Variants in PAPOLB observed in about 807,000 individuals in gnomAD.
PAPOLB encodes PAP-beta.
PAPOLB carries 19 observed loss-of-function variants against 23.2 expected under a neutral mutation model. That is an observed-to-expected ratio of 0.82 (90% CI 0.57 to 1.20). The LOEUF is 1.20. Ranked by LOEUF, PAPOLB falls within the 50% of genes most tolerant of loss-of-function variation. The pLI, the probability that PAPOLB is intolerant of heterozygous loss-of-function variation, is 0.00. For missense variants in PAPOLB, 822 were observed against 776.8 expected (o/e 1.06, Z -0.69); for synonymous variants, 360 against 290.7 (o/e 1.24, Z -2.43).
chr7:4,857,785 T>A lies in PAPOLB; in HGVS notation c.*2112A>T, dbSNP rs780981087. 6.6e-6 allele frequency: 1 copy of A among 152,626 alleles called. No individual in the cohort carries two copies. The highest frequency in any genetic ancestry group is 2.4e-5 in the African/African-American group (1 of 41,456). 9.5% of individuals were successfully genotyped at this position (152,626 alleles called of 1,614,324 possible). On this transcript the variant is annotated 3_prime_UTR_variant, in exon 1 of 1. Coordinates refer to ENST00000404991, the MANE Select transcript of PAPOLB (RefSeq NM_020144.5). ...GCATTTTTAATGGAGAAATAAGTCA[T>A]CTGTTTTCAAAACAGTGCTTGAATA...
chr7:4,861,235 T>C lies in PAPOLB; in HGVS notation c.576A>G (p.Lys192=), dbSNP rs1372174105. 6.2e-7 allele frequency: 1 copy of C among 1,614,164 alleles called. No individual in the cohort carries two copies. The highest frequency in any genetic ancestry group is 1.1e-5 in the South Asian group (1 of 91,074). The change falls in exon 1 of 1, where the codon AAA becomes AAG. Residue 192 remains lysine (K), a synonymous_variant. Coordinates refer to ENST00000404991, the MANE Select transcript of PAPOLB (RefSeq NM_020144.5). ...DLDLRDDSLL[K]NLDIRCIRSL... is the part of the protein sequence containing the mutation. ...TTCTTATGCATCTAATGTCTAAATT[T>C]TTAAGTAGACTGTCATCTCTTAAGT... is the stretch of plus-strand genomic sequence containing the variant.
chr7:4,860,998 C>A lies in PAPOLB; in HGVS notation c.813G>T (p.Arg271=). 1 of 1,614,202 alleles carries A rather than the reference C, an allele frequency of 6.2e-7. No individual in the cohort carries two copies. The highest frequency in any genetic ancestry group is 8.5e-7 in the Non-Finnish European group (1 of 1,180,034). Residue 271 remains arginine, a synonymous_variant, in exon 1 of 1, where the codon CGG becomes CGT. Coordinates refer to ENST00000404991, the MANE Select transcript of PAPOLB (RefSeq NM_020144.5). ...YPNAVASTLV[R]KFFLVFSEWE... ...ATTCTGAAAATACCAAGAAGAATTT[C>A]CGTACAAGAGTTGACGCTACTGCAT...
chr7:4,861,900 C>A lies in PAPOLB; in HGVS notation c.-90G>T. On this transcript the variant is annotated 5_prime_UTR_variant, in exon 1 of 1. Coordinates refer to ENST00000404991, the MANE Select transcript of PAPOLB (RefSeq NM_020144.5). ...GTCATGATCCGCTGAGGCGGAAGGG[C>A]AGGGCTTCTAGCTGCCCTGGTCCGA... 1.4e-6 allele frequency: 1 copy of A among 739,974 alleles called. No individual in the cohort carries two copies. Among genetic ancestry groups the A allele is most frequent in the Non-Finnish European group, 1.9e-6 (1 of 522,972 alleles). The allele number at this position is 739,974 out of a possible 1,614,324, so 45.8% of individuals were successfully genotyped here. A position where few individuals can be genotyped will look rare whatever the true frequency, so the allele number is the denominator to read the frequency against.
chr7:4,861,831 A>T lies in PAPOLB; in HGVS notation c.-21T>A. Reference sequence around the variant, plus strand: ...ATCATCTTTCAGCGCCCGCCCCGCCAGGGCACGTCCCCCACCACCGCGACC... The same window carrying T: ...ATCATCTTTCAGCGCCCGCCCCGCCTGGGCACGTCCCCCACCACCGCGACC... On this transcript the variant is annotated 5_prime_UTR_variant, in exon 1 of 1. Coordinates refer to ENST00000404991, the MANE Select transcript of PAPOLB (RefSeq NM_020144.5). The T allele has an allele frequency of 7.9e-7, 1 of 1,262,596 alleles. No homozygotes were observed. The highest frequency in any genetic ancestry group is 1.0e-6 in the Non-Finnish European group (1 of 997,730). The allele number at this position is 1,262,596 out of a possible 1,614,324, so 78.2% of individuals were successfully genotyped here. A position where few individuals can be genotyped will look rare whatever the true frequency, so the allele number is the denominator to read the frequency against.
Position 4,861,085 on chromosome 7 carries a change from T to A in PAPOLB, c.726A>T (p.Leu242Phe), listed in dbSNP as rs1319560325. ...AKCHNIYSNI[L>F]GFLGGVSWAM... is the part of the protein sequence containing the mutation. ...CCCAGGAAACACCTCCGAGGAAACC[T>A]AATATATTGGAATAGATATTGTGGC... Residue 242 changes from leucine to phenylalanine, a missense_variant, in exon 1 of 1, where the codon TTA becomes TTT. By Grantham distance (22) the Leu-to-Phe change is conservative (BLOSUM62 0). Coordinates refer to ENST00000404991, the MANE Select transcript of PAPOLB (RefSeq NM_020144.5). The A allele has an allele frequency of 6.2e-7, 1 of 1,614,232 alleles. No individual in the cohort carries two copies. Among genetic ancestry groups the A allele is most frequent in the South Asian group, 1.1e-5 (1 of 91,090 alleles).
In PAPOLB at chr7:4,861,717, G is replaced by T; in HGVS notation, c.94C>A (p.Pro32Thr). ...GVSSPISLAV[P>T]KETDCLLTQR... ...GTGAGGAGGCAGTCCGTCTCCTTGG[G>T]GACCGCTAGACTGATAGGCGAGGAG... Residue 32 changes from proline (P) to threonine (T), a missense_variant, in exon 1 of 1, where the codon CCC (proline) becomes ACC (threonine). Pro to Thr is a conservative substitution (Grantham distance 38). Around this residue, in one of 3 missense-constraint regions of PAPOLB, gnomAD observed 276 missense variants for 243.9 expected, o/e 1.13. Transcript: ENST00000404991. 1.3e-6 allele frequency: 2 copies of T among 1,567,814 alleles called. No individual in the cohort carries two copies. Among genetic ancestry groups the T allele is most frequent in the Non-Finnish European group, 1.7e-6 (2 of 1,159,752 alleles).
chr7:4,859,840 T>G lies in PAPOLB; in HGVS notation c.*57A>C. On this transcript the variant is annotated 3_prime_UTR_variant, in exon 1 of 1. Transcript: ENST00000404991. ...TTTGTATTGAGTTTCTCCTCTTCCG[T>G]TTTGGTTTTCTTGGTCCTTTCTTCT... 9.0e-7 allele frequency: 1 copy of G among 1,107,428 alleles called. No individual in the cohort carries two copies. The highest frequency in any genetic ancestry group is 1.3e-6 in the Non-Finnish European group (1 of 757,112). 68.6% of individuals were successfully genotyped at this position (1,107,428 alleles called of 1,614,324 possible). A position where few individuals can be genotyped will look rare whatever the true frequency, so the allele number is the denominator to read the frequency against.
chr7:4,861,275 A>C lies in PAPOLB; in HGVS notation c.536T>G (p.Ile179Ser). The C allele has an allele frequency of 6.2e-7, 1 of 1,614,128 alleles. No homozygotes were observed. Among genetic ancestry groups the C allele is most frequent in the Non-Finnish European group, 8.5e-7 (1 of 1,179,950 alleles). Residue 179 changes from isoleucine to serine, a missense_variant, in exon 1 of 1, where the codon ATT becomes AGT. Transcript: ENST00000404991. ...ILFARLALQT[I>S]PEDLDLRDDS... ...ATCTCTTAAGTCCAAATCTTCTGGA[A>C]TAGTCTGTAGTGCTAATCTTGCAAA...
rs774929576 is a variant in PAPOLB at position 4,860,913 on chromosome 7, C to T, written c.898G>A (p.Val300Ile). Residue 300 changes from valine to isoleucine, a missense_variant, in exon 1 of 1, where the codon GTA becomes ATA. This residue lies in a region of PAPOLB where 534 missense variants were observed against 502.8 expected (regional missense o/e 1.06). Coordinates refer to ENST00000404991, the MANE Select transcript of PAPOLB (RefSeq NM_020144.5). ...CTGGGATTTACTCTTGGGTCCCATACAGGCAAATTAAGATTCCGTTCTTCA... is the reference window on the plus strand; with the variant it reads ...CTGGGATTTACTCTTGGGTCCCATATAGGCAAATTAAGATTCCGTTCTTCA... Reference protein sequence around the residue: ...EPEERNLNLPVWDPRVNPSDR... With the variant: ...EPEERNLNLPIWDPRVNPSDR... The T allele has an allele frequency of 6.2e-7, 1 of 1,614,200 alleles. No individual in the cohort carries two copies. The highest frequency in any genetic ancestry group is 2.2e-5 in the East Asian group (1 of 44,890).
At position 4,860,865 on chromosome 7, in the gene PAPOLB, T is replaced by C. The variant is rs750372901; in HGVS notation, c.946A>G (p.Ile316Val). Residue 316 changes from isoleucine (I) to valine (V), a missense_variant, in exon 1 of 1, where the codon ATC (isoleucine) becomes GTC (valine). By Grantham distance (29) the Ile-to-Val change is conservative. This residue lies in a region of PAPOLB where 534 missense variants were observed against 502.8 expected (regional missense o/e 1.06). Coordinates refer to ENST00000404991, the MANE Select transcript of PAPOLB (RefSeq NM_020144.5). ...NPSDRYHLMP[I>V]ITPAYPQQNS... The stretch of plus-strand genomic sequence containing the variant: ...TGCTGTGGGTATGCTGGTGTGATGA[T>C]AGGCATAAGATGGTACCTATCACTG... The C allele has an allele frequency of 8.1e-6, 13 of 1,614,168 alleles. No homozygotes were observed. The highest frequency in any genetic ancestry group is 2.2e-5 in the South Asian group (2 of 91,082).
Position 4,861,013 on chromosome 7 carries a change from C to A in PAPOLB, c.798G>T (p.Ala266=), listed in dbSNP as rs112213840. The stretch of plus-strand genomic sequence containing the variant: ...AGAAGAATTTCCGTACAAGAGTTGA[C>A]GCTACTGCATTTGGATAAAGCTGAC... ...RTCQLYPNAV[A]STLVRKFFLV... Residue 266 remains alanine, a synonymous_variant, in exon 1 of 1, where the codon GCG becomes GCT. Coordinates refer to ENST00000404991, the MANE Select transcript of PAPOLB (RefSeq NM_020144.5). The A allele has an allele frequency of 6.2e-7, 1 of 1,614,096 alleles. No homozygotes were observed. Among genetic ancestry groups the A allele is most frequent in the Non-Finnish European group, 8.5e-7 (1 of 1,180,042 alleles).
At position 4,860,628 on chromosome 7, in the gene PAPOLB, C is replaced by T; in HGVS notation, c.1183G>A (p.Val395Met). ...EKQHLEWVGL[V>M]ESKIRILVGS... ...ACCAGGATTCGGATCTTTGATTCCA[C>T]CAAGCCCACCCATTCTAAATGTTGT... The change falls in exon 1 of 1, where the codon GTG becomes ATG. Residue 395 changes from valine (V) to methionine (M), a missense_variant. This residue lies in a region of PAPOLB where 534 missense variants were observed against 502.8 expected (regional missense o/e 1.06). Transcript: ENST00000404991. The T allele has an allele frequency of 6.2e-7, 1 of 1,614,142 alleles. No homozygotes were observed.
Position 4,860,413 on chromosome 7 carries a change from A to C in PAPOLB, c.1398T>G (p.Asp466Glu), listed in dbSNP as rs749044991. Residue 466 changes from aspartate (D) to glutamate (E), a missense_variant, in exon 1 of 1, where the codon GAT becomes GAG. This residue lies in a region of PAPOLB where 534 missense variants were observed against 502.8 expected (regional missense o/e 1.06). Transcript: ENST00000404991. ...DLTYDIQSFT[D>E]TVYRQAVNSK... is the part of the protein sequence containing the mutation. ...TATTCACTGCTTGCCTATAAACAGT[A>C]TCTGTGAAAGACTGGATATCATAGG... 1 of 1,613,962 alleles carries C rather than the reference A, an allele frequency of 6.2e-7. No homozygotes were observed. Among genetic ancestry groups the C allele is most frequent in the African/African-American group, 1.3e-5 (1 of 74,942 alleles).
In PAPOLB at chr7:4,860,504, G is replaced by T. The variant is rs1044445719; in HGVS notation, c.1307C>A (p.Thr436Lys). The T allele has an allele frequency of 1.2e-6, 2 of 1,613,908 alleles. No homozygotes were observed. Among genetic ancestry groups the T allele is most frequent in the African/African-American group, 2.7e-5 (2 of 74,918 alleles). The change falls in exon 1 of 1, where the codon ACA (threonine) becomes AAA (lysine). Residue 436 changes from threonine to lysine, a missense_variant. Transcript: ENST00000404991. ...TAGCCCTAACCCAATCACCCACATT[G>T]TACGAAATTCTTCCATATCAGGATT... Reference protein sequence around the residue: ...KENPDMEEFRTMWVIGLGLKK... With the variant: ...KENPDMEEFRKMWVIGLGLKK...
Position 4,861,799 on chromosome 7 carries a change from A to AAC in PAPOLB, c.11_12insGT (p.Phe4LeufsTer4). On this transcript the variant is annotated frameshift_variant, in exon 1 of 1. Coordinates refer to ENST00000404991, the MANE Select transcript of PAPOLB (RefSeq NM_020144.5). LOFTEE classifies it high-confidence loss of function. ...GCGGTGGTCCCTGGGTTGTCACCGGAAACGGCATCATCTTTCAGCGCCCGC... is the reference window on the plus strand; with the variant it reads ...GCGGTGGTCCCTGGGTTGTCACCGGAACAACGGCATCATCTTTCAGCGCCCGC... 7.0e-7 allele frequency: 1 copy of AAC among 1,421,314 alleles called. No individual in the cohort carries two copies. Among genetic ancestry groups the AAC allele is most frequent in the South Asian group, 1.6e-5 (1 of 62,796 alleles). The allele number at this position is 1,421,314 out of a possible 1,614,324, so 88.0% of individuals were successfully genotyped here. A position where few individuals can be genotyped will look rare whatever the true frequency, so the allele number is the denominator to read the frequency against.
chr7:4,860,134 G>C lies in PAPOLB; in HGVS notation c.1677C>G (p.Ala559=). 6.2e-7 allele frequency: 1 copy of C among 1,613,970 alleles called. No individual in the cohort carries two copies. The highest frequency in any genetic ancestry group is 2.2e-5 in the East Asian group (1 of 44,884). The change falls in exon 1 of 1, where the codon GCC becomes GCG. Residue 559 remains alanine, a synonymous_variant. Coordinates refer to ENST00000404991, the MANE Select transcript of PAPOLB (RefSeq NM_020144.5). ...CCACAGATGCTGTCATTACAGCCAA[G>C]GCAGGACTGTTTCTACCCTGAGAAC... ...ISSSQGRNSP[A]LAVMTASVAN...
Position 4,861,767 on chromosome 7 carries a change from G to GCCGGCTGCGGTGGTC in PAPOLB, c.29_43dup (p.Gly10_Pro14dup). 1.0e-5 allele frequency: 15 copies of GCCGGCTGCGGTGGTC among 1,486,008 alleles called. No individual in the cohort carries two copies. Among genetic ancestry groups the GCCGGCTGCGGTGGTC allele is most frequent in the Non-Finnish European group, 1.3e-5 (15 of 1,120,304 alleles). The allele number at this position is 1,486,008 out of a possible 1,614,324, so 92.1% of individuals were successfully genotyped here. A position where few individuals can be genotyped will look rare whatever the true frequency, so the allele number is the denominator to read the frequency against. On this transcript the variant is annotated inframe_insertion, in exon 1 of 1. Transcript: ENST00000404991. ...GACGCCGTAGCGATTCGGCGGCGGC[G>GCCGGCTGCGGTGGTC]CCGGCTGCGGTGGTCCCTGGGTTGT... is the stretch of plus-strand genomic sequence containing the variant.
Position 4,859,664 on chromosome 7 carries a change from T to C in PAPOLB, c.*233A>G. The C allele has an allele frequency of 1.9e-6, 1 of 527,944 alleles. No homozygotes were observed. Among genetic ancestry groups the C allele is most frequent in the South Asian group, 2.4e-5 (1 of 41,774 alleles). The allele number at this position is 527,944 out of a possible 1,614,324, so 32.7% of individuals were successfully genotyped here. On this transcript the variant is annotated 3_prime_UTR_variant, in exon 1 of 1. Transcript: ENST00000404991. Reference sequence around the variant, plus strand: ...TTGTTCATGGACCCTTGAGGTTGTTTTTAACCATTCAACCTGTTTTACTGA... The same window carrying C: ...TTGTTCATGGACCCTTGAGGTTGTTCTTAACCATTCAACCTGTTTTACTGA...
rs1783889267 is a variant in PAPOLB at position 4,858,446 on chromosome 7, T to C, written c.*1451A>G. On this transcript the variant is annotated 3_prime_UTR_variant, in exon 1 of 1. Transcript: ENST00000404991. ...TTTTTAACTTAAAGTATTGCTGATC[T>C]TTTGTAGACTAAAAGAGCAGAAAGC... 3 of 152,564 alleles carry C rather than the reference T, an allele frequency of 2.0e-5. No homozygotes were observed. Among genetic ancestry groups the C allele is most frequent in the Non-Finnish European group, 4.4e-5 (3 of 68,022 alleles). The allele number at this position is 152,564 out of a possible 1,614,324, so 9.5% of individuals were successfully genotyped here.
Sources: allele counts gnomAD v4.1 joint callset, GRCh38; gene constraint gnomAD v4.1.1; regional missense constraint gnomAD v4.1.1; transcripts MANE v1.5; gene names NCBI Gene and HGNC (gene_info 2026-07-23, HGNC 2026-07-21).